Variants in TNN observed in about 807,000 individuals in gnomAD.
TNN encodes tenascin N, also known as tenascin-N.
Under a neutral mutation model 134.4 loss-of-function variants are expected in TNN, and 122 were observed. The observed-to-expected ratio is 0.91, with a 90% confidence interval of 0.78 to 1.06. The LOEUF is 1.06. Ranked by LOEUF, TNN falls within the 50% of genes least tolerant of loss-of-function variation. The pLI is 0.00. For synonymous variants in TNN, 710 were observed against 670.3 expected (o/e 1.06, Z -0.91); for missense variants, 1,739 against 1,699.4 (o/e 1.02, Z -0.41).
At chr1:175,146,786 C>A in intron 18 of TNN, 145 bp from the exon 19 acceptor site, 1 of 765,530 alleles carries the variant, frequency 1.3e-6, no homozygotes, top group Non-Finnish European at 1.9e-6. Context: ...CCCTTCTCAT[C>A]ACCCCGTCTC....
At position 175,067,876 on chromosome 1, in the gene TNN, CAGG is replaced by C. The variant is rs754867895; in HGVS notation, c.-89_-87del. The C allele has an allele frequency of 8.0e-6, 4 of 501,908 alleles. No homozygotes were observed. The highest frequency in any genetic ancestry group is 5.8e-5 in the African/African-American group (3 of 51,720). 31.1% of individuals were successfully genotyped at this position (501,908 alleles called of 1,614,324 possible). A position where few individuals can be genotyped will look rare whatever the true frequency, so the allele number is the denominator to read the frequency against. ...GACCAGCAAGTACCAAGGTCTGCGG[CAGG>C]AGGAGACCGGCTCACAGGAGCAGCA... On this transcript the variant is annotated 5_prime_UTR_variant, in exon 1 of 19. Transcript: ENST00000239462.
intron 6 of TNN, among the ~76,000 whole-genome samples, chr1:175,089,256 T>C (rs1341109391): frequency 6.6e-6 from 1 of 152,170 alleles, no homozygotes; most frequent in African/African-American, 2.4e-5. Flanking sequence ...AGCCTAAGCA[T>C]GTGCAGGAGG....
intron 17 of TNN, among the ~76,000 whole-genome samples, chr1:175,138,080 G>A (rs1675860798): frequency 6.6e-6 from 1 of 152,124 alleles, no homozygotes; most frequent in South Asian, 2.1e-4. Context: ...ACTGAGCAGA[G>A]GCAAGAATGC....
At chr1:175,074,484 G>GA (rs55952749) in intron 1 of TNN, among the ~76,000 whole-genome samples, 14,510 of 116,976 alleles carry the variant, frequency 0.12, 886 homozygotes, top group Non-Finnish European at 0.15. Flanking sequence ...GATCCTGTCT[G>GA]AAAAAAAAAA....
chr1:175,079,785 A>T, intron 3 of TNN, 78 bp downstream of exon 3: 1 of 1,478,662 alleles, frequency 6.8e-7, no homozygotes, highest in South Asian at 1.4e-5. Flanking sequence ...ACACGTTGTC[A>T]TCTTTGGGGG....
At chr1:175,103,149 C>T (rs1475516866) in intron 9 of TNN, among the ~76,000 whole-genome samples, 1 of 145,968 alleles carries the variant, frequency 6.9e-6, no homozygotes, top group Non-Finnish European at 1.5e-5. Flanking sequence ...ATACAGGGCC[C>T]AAAGGCGAGT....
At position 175,128,173 on chromosome 1, in the gene TNN, G is replaced by A. The variant is rs770695370; in HGVS notation, c.3178+9G>A. On this transcript the variant is annotated intron_variant, in intron 14 of 18. Coordinates refer to ENST00000239462, the MANE Select transcript of TNN (RefSeq NM_022093.2). Reference sequence around the variant, plus strand: ...CACCACCCTCTCCACAGGTAATATGGAATCCTGTACTCTGAACGACCGTGC... The same window carrying A: ...CACCACCCTCTCCACAGGTAATATGAAATCCTGTACTCTGAACGACCGTGC... 2.5e-6 allele frequency: 4 copies of A among 1,593,898 alleles called. No individual in the cohort carries two copies. The highest frequency in any genetic ancestry group is 1.7e-5 in the Admixed American group (1 of 57,328).
chr1:175,106,032 C>T lies in TNN; in HGVS notation c.2119+7437C>T, dbSNP rs531335225. 7.6e-5 allele frequency among the ~76,000 whole-genome samples: 11 copies of T among 145,544 alleles called. 1 individual carries two copies. The highest frequency in any genetic ancestry group is 4.6e-4 in the South Asian group (2 of 4,348). On this transcript the variant is annotated intron_variant, in intron 9 of 18. Transcript: ENST00000239462. ...TTTCCTCCCAGACCACATGGAGGAC[C>T]GAGGAAGGTCGGATTTAGTGGTCCT...
chr1:175,096,133 T>C (rs1221322934), intron 7 of TNN, among the ~76,000 whole-genome samples: 1 of 152,138 alleles, frequency 6.6e-6, no homozygotes, highest in Non-Finnish European at 1.5e-5. Context: ...TCCCTGGAGC[T>C]ATGGGAAACT....
At chr1:175,079,008 G>T (rs17374584) in intron 2 of TNN, among the ~76,000 whole-genome samples, 87,469 of 151,792 alleles carry the variant, frequency 0.58, 26,504 homozygotes, top group African/African-American at 0.79. Flanking sequence ...ATGACCACCA[G>T]GTAGAGAGGA....
intron 9 of TNN, among the ~76,000 whole-genome samples, chr1:175,115,448 C>T (rs1387183060): frequency 6.6e-6 from 1 of 152,144 alleles, no homozygotes; most frequent in Non-Finnish European, 1.5e-5. Context: ...AAAGAGCGTG[C>T]AGTTTCAGCT....
Position 175,098,553 on chromosome 1 carries a change from G to C in TNN, c.2077G>C (p.Gly693Arg), listed in dbSNP as rs375173557. The change falls in exon 9 of 19, where the codon GGG becomes CGG. Residue 693 changes from glycine (G) to arginine (R), a missense_variant. Physicochemically the swap from Gly to Arg is moderately radical, Grantham distance 125 (BLOSUM62 -2). Transcript: ENST00000239462. The stretch of plus-strand genomic sequence containing the variant: ...CATGGTGCACGTGTGGGCCCAGAAG[G>C]GGGACCAGGAGAGCAAGAAGGCCGA... ...EYMVHVWAQKGDQESKKADTK... is the reference protein window; with the variant it reads ...EYMVHVWAQKRDQESKKADTK... 9.3e-6 allele frequency: 15 copies of C among 1,614,068 alleles called. No individual in the cohort carries two copies. In the South Asian group the frequency reaches 1.4e-4, roughly 15 times the overall value.
At chr1:175,101,979 C>T (rs1349864364) in intron 9 of TNN, among the ~76,000 whole-genome samples, 1 of 143,552 alleles carries the variant, frequency 7.0e-6, no homozygotes, top group African/African-American at 2.5e-5. Context: ...CTCATCAGAG[C>T]AGCTAGATAC....
intron 2 of TNN, 137 bp from the exon 3 acceptor site, chr1:175,079,196 C>T (rs1282772289): frequency 7.3e-6 from 8 of 1,089,542 alleles, no homozygotes; most frequent in Non-Finnish European, 1.0e-5. Context: ...AAAAAATAGC[C>T]GTGCAAGACC....
In TNN at chr1:175,080,162, G is replaced by A. The variant is rs1574141178; in HGVS notation, c.785-1G>A. ...CTGCCCTGTTCCTGTTCTGCCTGCA[G>A]TGGTCACCCCACAGGGCCTGCAGCT... On this transcript the variant is annotated splice_acceptor_variant, in intron 3 of 18. Coordinates refer to ENST00000239462, the MANE Select transcript of TNN (RefSeq NM_022093.2). LOFTEE classifies it high-confidence loss of function. 1 of 1,613,660 alleles carries A rather than the reference G, an allele frequency of 6.2e-7. No homozygotes were observed.
At chr1:175,111,486 CAAAAAAAAAAAA>C (rs59538028) in intron 9 of TNN, among the ~76,000 whole-genome samples, 2 of 62,538 alleles carry the variant, frequency 3.2e-5, no homozygotes, top group Admixed American at 6.0e-4. Flanking sequence ...GACTCTGTCT[CAAAAAAAAAAAA>C]AAAAAAAAAA....
chr1:175,087,165 T>A (rs2149429646), intron 6 of TNN, among the ~76,000 whole-genome samples: 1 of 152,312 alleles, frequency 6.6e-6, no homozygotes, highest in East Asian at 1.9e-4. Flanking sequence ...GTTAAGGACA[T>A]GCCTGGGAGA....
intron 3 of TNN, 70 bp downstream of exon 3, chr1:175,079,777 A>T (rs1352219267): frequency 6.7e-7 from 1 of 1,491,038 alleles, no homozygotes; most frequent in African/African-American, 1.4e-5. Flanking sequence ...CCTCAATTAC[A>T]CGTTGTCATC....
intron 18 of TNN, among the ~76,000 whole-genome samples, chr1:175,146,538 T>C (rs1156627135): frequency 6.6e-6 from 1 of 152,202 alleles, no homozygotes; most frequent in Non-Finnish European, 1.5e-5. Flanking sequence ...AATATGTTTA[T>C]TTTTGCCTTT....
Sources: allele counts gnomAD v4.1 joint callset (sites outside exome capture counted in the v4.1 genomes callset), GRCh38; gene constraint gnomAD v4.1.1; transcripts MANE v1.5; gene names NCBI Gene and HGNC (gene_info 2026-07-23, HGNC 2026-07-21).